Variants in OGDH observed in about 807,000 individuals in gnomAD.
The protein encoded by OGDH is oxoglutarate dehydrogenase.
OGDH carries 38 observed loss-of-function variants against 116.6 expected under a neutral mutation model. The ratio of observed to expected loss-of-function variants is 0.33; its 90% confidence interval spans 0.25 to 0.43. The LOEUF (loss-of-function observed/expected upper bound fraction) is 0.43, where lower values mean the gene tolerates loss of function less well. Ranked by LOEUF, OGDH falls within the 20% of genes least tolerant of loss-of-function variation. OGDH has a pLI of 1.00. For missense variants in OGDH, 825 were observed against 1,357.2 expected (o/e 0.61, Z 6.16); for synonymous variants, 488 against 533.3 (o/e 0.92, Z 1.17).
chr7:44,632,508 TG>T (rs981266775), intron 2 of OGDH, among the ~76,000 whole-genome samples: 3 of 152,354 alleles, frequency 2.0e-5, no homozygotes, highest in African/African-American at 7.2e-5. Flanking sequence ...CTTGTTTTTT[TG>T]CCCAGGCTGG....
intron 4 of OGDH, chr7:44,656,180 G>T: frequency 5.4e-6 from 4 of 743,454 alleles, no homozygotes; most frequent in Non-Finnish European, 2.2e-6. Flanking sequence ...ATGTGTGTGT[G>T]TGTCCCTGTG....
intron 5 of OGDH, among the ~76,000 whole-genome samples, chr7:44,671,224 C>T (rs1372640891): frequency 6.6e-6 from 1 of 152,060 alleles, no homozygotes; most frequent in East Asian, 1.9e-4. Context: ...GGGGAGCCTG[C>T]TTGTGCAGAG....
intron 1 of OGDH, among the ~76,000 whole-genome samples, chr7:44,614,299 TTTTGTTTTTTTTG>T (rs1265289359): frequency 6.6e-6 from 1 of 150,806 alleles, no homozygotes; most frequent in Non-Finnish European, 1.5e-5. Context: ...TTTTGGTTTT[TTTTGTTTTTTTTG>T]TTTGTTTGTT....
chr7:44,689,744 TG>T (rs1030043780), intron 10 of OGDH, among the ~76,000 whole-genome samples: 2 of 152,218 alleles, frequency 1.3e-5, no homozygotes, highest in African/African-American at 4.8e-5. Flanking sequence ...GCCTATTTTT[TG>T]ACTGGATTGT....
chr7:44,670,119 G>A (rs1259655271), intron 5 of OGDH, among the ~76,000 whole-genome samples: 3 of 151,988 alleles, frequency 2.0e-5, no homozygotes, highest in Admixed American at 2.0e-4. Context: ...TGATCTAGTG[G>A]CCCGGTAACT....
chr7:44,688,947 G>C (rs1418661434), intron 10 of OGDH, among the ~76,000 whole-genome samples: 1 of 151,704 alleles, frequency 6.6e-6, no homozygotes, highest in Non-Finnish European at 1.5e-5. Flanking sequence ...ATGGGGTTTC[G>C]CCTTGTTGGC....
intron 1 of OGDH, among the ~76,000 whole-genome samples, chr7:44,621,608 T>A (rs1785011727): frequency 1.3e-5 from 2 of 152,126 alleles, no homozygotes; most frequent in Admixed American, 6.5e-5. Context: ...GTGTGGTGGC[T>A]CACGCCTGTA....
At chr7:44,704,152 A>G (rs1788963426) in intron 20 of OGDH, among the ~76,000 whole-genome samples, 2 of 152,170 alleles carry the variant, frequency 1.3e-5, no homozygotes, top group Non-Finnish European at 2.9e-5. Flanking sequence ...CAGTGGCTGC[A>G]TTTTACATCC....
At position 44,655,155 on chromosome 7, in the gene OGDH, G is replaced by A. The variant is rs555983558; in HGVS notation, c.517+7396G>A. On this transcript the variant is annotated intron_variant, in intron 4 of 22. Transcript: ENST00000222673. The stretch of plus-strand genomic sequence containing the variant: ...ATGAGTATTTAAGGTTCCTTTCGAG[G>A]CCCTCCCCTGTGTAGATCCTTACCT... 3.9e-5 allele frequency among the ~76,000 whole-genome samples: 6 copies of A among 152,156 alleles called. No homozygotes were observed. The South Asian group carries it at 1.2e-3, about 32-fold the overall frequency.
intron 12 of OGDH, 49 bp from the exon 13 acceptor site, chr7:44,695,976 A>G: frequency 1.0e-6 from 1 of 995,370 alleles, no homozygotes; most frequent in Non-Finnish European, 1.6e-6. Context: ...GGGCGTGTGC[A>G]GTAGTCATGC....
chr7:44,705,976 G>A (rs1352679348), intron 20 of OGDH, among the ~76,000 whole-genome samples: 1 of 152,046 alleles, frequency 6.6e-6, no homozygotes, highest in Non-Finnish European at 1.5e-5. Context: ...TTCTTACCCT[G>A]TCACCCAGGT....
intron 9 of OGDH, among the ~76,000 whole-genome samples, chr7:44,677,504 T>C (rs1787750873): frequency 6.6e-6 from 1 of 151,998 alleles, no homozygotes; most frequent in Non-Finnish European, 1.5e-5. Context: ...GTAGGGGGAA[T>C]TGGGGACACA....
chr7:44,670,459 C>T (rs1433637362), intron 5 of OGDH, among the ~76,000 whole-genome samples: 1 of 152,088 alleles, frequency 6.6e-6, no homozygotes, highest in Non-Finnish European at 1.5e-5. Context: ...AGGGTAGGTC[C>T]TCTTTGAAGG....
intron 1 of OGDH, among the ~76,000 whole-genome samples, chr7:44,614,550 A>G (rs1399817184): frequency 6.6e-6 from 1 of 151,666 alleles, no homozygotes; most frequent in Admixed American, 6.6e-5. Flanking sequence ...CTTCAAGTTC[A>G]CTGATTTCCT....
chr7:44,699,013 G>A (rs920771876), intron 18 of OGDH, among the ~76,000 whole-genome samples: 1 of 151,420 alleles, frequency 6.6e-6, no homozygotes, highest in African/African-American at 2.4e-5. Context: ...GCATGGTGGC[G>A]CCCACCTGTA....
In OGDH at chr7:44,616,794, T is replaced by C. The variant is rs1167576079; in HGVS notation, c.-27-7523T>C. ...GTATATGTGTATATGCATATATATATGTGTATATATATGCATATATACGTA... is the reference window on the plus strand; with the variant it reads ...GTATATGTGTATATGCATATATATACGTGTATATATATGCATATATACGTA... On this transcript the variant is annotated intron_variant, in intron 1 of 22. Coordinates refer to ENST00000222673, the MANE Select transcript of OGDH (RefSeq NM_002541.4). 1.5e-4 allele frequency among the ~76,000 whole-genome samples: 16 copies of C among 109,778 alleles called. No homozygotes were observed. The East Asian group carries it at 2.1e-3, about 15-fold the overall frequency. 72.0% of individuals were successfully genotyped at this position (109,778 alleles called of 152,430 possible). A position where few individuals can be genotyped will look rare whatever the true frequency, so the allele number is the denominator to read the frequency against.
chr7:44,702,090 C>T (rs1167363557), intron 20 of OGDH, among the ~76,000 whole-genome samples: 1 of 150,984 alleles, frequency 6.6e-6, no homozygotes, highest in African/African-American at 2.4e-5. Context: ...AAAAAAAAGT[C>T]CCATGATACC....
intron 1 of OGDH, among the ~76,000 whole-genome samples, chr7:44,607,522 G>C (rs946970007): frequency 6.6e-6 from 1 of 152,158 alleles, no homozygotes; most frequent in Non-Finnish European, 1.5e-5. Flanking sequence ...GCTCTGAACA[G>C]CTGGGTTTAG....
At chr7:44,681,958 T>C in intron 10 of OGDH, 110 bp downstream of exon 10, 4 of 1,428,570 alleles carry the variant, frequency 2.8e-6, no homozygotes, top group Non-Finnish European at 3.8e-6. Flanking sequence ...ATACATCTGT[T>C]ATTAAAAACC....
Sources: gnomAD v4.1 joint callset for allele counts (sites outside exome capture counted in the v4.1 genomes callset) on GRCh38, gnomAD v4.1.1 for gene constraint, MANE v1.5 for transcripts, NCBI Gene and HGNC (gene_info 2026-07-23, HGNC 2026-07-21) for gene names.